Variants in KDM4C observed in about 807,000 individuals in gnomAD.
The protein encoded by KDM4C is lysine demethylase 4C.
KDM4C carries 81 observed loss-of-function variants against 129.3 expected under a neutral mutation model. The ratio of observed to expected loss-of-function variants is 0.63; its 90% confidence interval spans 0.52 to 0.75. The LOEUF (loss-of-function observed/expected upper bound fraction) is 0.75. Ranked by LOEUF, KDM4C falls within the 30% of genes least tolerant of loss-of-function variation. The pLI, the probability that KDM4C is intolerant of heterozygous loss-of-function variation, is 0.00. For missense variants in KDM4C, 1,457 were observed against 1,304.0 expected (o/e 1.12, Z -1.81); for synonymous variants, 573 against 456.1 (o/e 1.26, Z -3.26).
intron 19 of KDM4C, among the ~76,000 whole-genome samples, chr9:7,156,766 T>G (rs1282316884): frequency 2.0e-5 from 3 of 152,224 alleles, no homozygotes; most frequent in Non-Finnish European, 4.4e-5. Flanking sequence ...CCTTGTAGTA[T>G]AGTTTGAAGT....
chr9:6,935,445 C>G (rs1824596332), intron 8 of KDM4C, among the ~76,000 whole-genome samples: 1 of 150,330 alleles, frequency 6.7e-6, no homozygotes, highest in African/African-American at 2.4e-5. Flanking sequence ...GAGATGGAGT[C>G]TTGCTCTGTT....
At chr9:6,951,124 C>T (rs1277479974) in intron 8 of KDM4C, among the ~76,000 whole-genome samples, 1 of 151,956 alleles carries the variant, frequency 6.6e-6, no homozygotes, top group Non-Finnish European at 1.5e-5. Context: ...AGTGATCAGT[C>T]AGGGTAATTC....
intron 18 of KDM4C, among the ~76,000 whole-genome samples, chr9:7,113,058 C>T (rs1313241118): frequency 1.3e-5 from 2 of 151,916 alleles, no homozygotes; most frequent in African/African-American, 2.4e-5. Context: ...TAACAAATGG[C>T]CTGCTGAATT....
rs571380739 is a variant in KDM4C at position 6,995,952 on chromosome 9, G to A, written c.1786+5428G>A. 2.2e-4 allele frequency among the ~76,000 whole-genome samples: 33 copies of A among 152,332 alleles called. No homozygotes were observed. The South Asian group carries it at 3.5e-3, about 16-fold the overall frequency. On this transcript the variant is annotated intron_variant, in intron 12 of 21. Coordinates refer to ENST00000381309, the MANE Select transcript of KDM4C (RefSeq NM_015061.6). The stretch of plus-strand genomic sequence containing the variant: ...CAAAGTGCTGGGATTACAGGCGTGA[G>A]CCACCGCGCCCGGCCCTGCAGGTTT...
intron 1 of KDM4C, among the ~76,000 whole-genome samples, chr9:6,752,158 C>G (rs1371678438): frequency 6.7e-6 from 1 of 149,956 alleles, no homozygotes; most frequent in South Asian, 2.1e-4. Context: ...ACGGTGAAAC[C>G]CCGTCTCTAC....
chr9:7,000,041 G>T (rs1432092366), intron 12 of KDM4C, among the ~76,000 whole-genome samples: 1 of 152,136 alleles, frequency 6.6e-6, no homozygotes, highest in African/African-American at 2.4e-5. Flanking sequence ...TTGTTGATAG[G>T]TCACAGCCAG....
At chr9:6,958,133 G>C (rs1034613988) in intron 8 of KDM4C, among the ~76,000 whole-genome samples, 3 of 151,152 alleles carry the variant, frequency 2.0e-5, no homozygotes, top group African/African-American at 7.3e-5. Flanking sequence ...TTATTGCAGG[G>C]ACAGAAAGTT....
chr9:6,949,247 G>C (rs1293170042), intron 8 of KDM4C, among the ~76,000 whole-genome samples: 2 of 151,866 alleles, frequency 1.3e-5, no homozygotes, highest in South Asian at 2.1e-4. Context: ...CCTCCCAGAC[G>C]GGGTTGCGGC....
intron 17 of KDM4C, among the ~76,000 whole-genome samples, chr9:7,060,451 GTTGTTATTATTATTA>G (rs1420100024): frequency 1.7e-4 from 23 of 138,276 alleles, no homozygotes; most frequent in East Asian, 6.2e-4. Flanking sequence ...TAGCAGTATT[GTTGTTATTATTATTA>G]TTATTATTAT....
At chr9:7,037,229 TG>T (rs1827811389) in intron 15 of KDM4C, among the ~76,000 whole-genome samples, 1 of 152,166 alleles carries the variant, frequency 6.6e-6, no homozygotes, top group South Asian at 2.1e-4. Context: ...GGTGTGTTTG[TG>T]GGGGTACTTC....
chr9:6,722,102 A>G (rs2996060), intron 1 of KDM4C, among the ~76,000 whole-genome samples: 29,427 of 152,180 alleles, frequency 0.19, 3,136 homozygotes, highest in Non-Finnish European at 0.24. Flanking sequence ...TGGTTCCCCA[A>G]TAGCCTAGGA....
At chr9:7,036,691 G>C (rs1191075164) in intron 15 of KDM4C, among the ~76,000 whole-genome samples, 1 of 152,142 alleles carries the variant, frequency 6.6e-6, no homozygotes, top group Non-Finnish European at 1.5e-5. Flanking sequence ...TGAAAATTCA[G>C]TTTGTATATT....
At position 6,995,798 on chromosome 9, in the gene KDM4C, A is replaced by G. The variant is rs1819592358; in HGVS notation, c.1786+5274A>G. 2.0e-5 allele frequency among the ~76,000 whole-genome samples: 3 copies of G among 152,022 alleles called. No individual in the cohort carries two copies. The South Asian group carries it at 6.2e-4, about 32-fold the overall frequency. On this transcript the variant is annotated intron_variant, in intron 12 of 21. Coordinates refer to ENST00000381309, the MANE Select transcript of KDM4C (RefSeq NM_015061.6). ...ACCATTCTCCTACCTCAGCCTCCCA[A>G]GTAGCTGGGACTACAGGCGCCTGCC...
intron 5 of KDM4C, among the ~76,000 whole-genome samples, chr9:6,875,924 A>G (rs756222246): frequency 1.3e-5 from 2 of 152,208 alleles, no homozygotes. Context: ...ATTTTGGGAC[A>G]GTAACCCAAA....
At chr9:6,927,230 A>G (rs939255815) in intron 8 of KDM4C, among the ~76,000 whole-genome samples, 8 of 152,024 alleles carry the variant, frequency 5.3e-5, no homozygotes, top group Non-Finnish European at 1.2e-4. Context: ...CCCAGGCTCA[A>G]GTGATTCTTA....
At chr9:7,056,034 TA>T (rs1436875650) in intron 17 of KDM4C, among the ~76,000 whole-genome samples, 1 of 152,206 alleles carries the variant, frequency 6.6e-6, no homozygotes, top group Admixed American at 6.5e-5. Flanking sequence ...TGTACCGATT[TA>T]TTCATAGGCT....
intron 5 of KDM4C, among the ~76,000 whole-genome samples, chr9:6,861,613 C>G (rs1436288312): frequency 6.6e-6 from 1 of 152,180 alleles, no homozygotes; most frequent in Non-Finnish European, 1.5e-5. Flanking sequence ...CAACATACCT[C>G]AAACTTAATA....
chr9:6,943,467 A>G (rs6477130), intron 8 of KDM4C, among the ~76,000 whole-genome samples: 112,637 of 151,842 alleles, frequency 0.74, 42,268 homozygotes, highest in East Asian at 1. Flanking sequence ...CTGGCACTTC[A>G]GGACGCCTAG....
chr9:7,128,298 C>G (rs1413888691), intron 19 of KDM4C, 62 bp downstream of exon 19: 1 of 1,315,584 alleles, frequency 7.6e-7, no homozygotes, highest in Non-Finnish European at 1.0e-6. Flanking sequence ...ACCAAAGTAA[C>G]TGAGCCCTTC....
Sources: gnomAD v4.1 joint callset for allele counts (sites outside exome capture counted in the v4.1 genomes callset) on GRCh38, gnomAD v4.1.1 for gene constraint, MANE v1.5 for transcripts, NCBI Gene and HGNC (gene_info 2026-07-23, HGNC 2026-07-21) for gene names.